CRISPLD1: variants seen among roughly 807,000 people sequenced by gnomAD.
CRISPLD1 encodes the protein cysteine rich secretory protein LCCL domain containing 1.
In CRISPLD1, 60 loss-of-function variants were observed where a neutral mutation model predicts 77.5. The ratio of observed to expected loss-of-function variants is 0.77; its 90% confidence interval spans 0.63 to 0.96. The LOEUF (loss-of-function observed/expected upper bound fraction) is 0.96, where lower values mean the gene tolerates loss of function less well. Among genes scored for constraint, CRISPLD1 ranks in the 40% least tolerant of loss-of-function variants. The pLI is 0.00. For missense variants in CRISPLD1, 623 were observed against 615.8 expected (o/e 1.01, Z -0.12); for synonymous variants, 195 against 200.1 (o/e 0.97, Z 0.22).
intron 2 of CRISPLD1, among the ~76,000 whole-genome samples, chr8:74,993,343 C>T (rs1812601966): frequency 6.6e-6 from 1 of 152,126 alleles, no homozygotes; most frequent in African/African-American, 2.4e-5. Context: ...CATATAGTAT[C>T]TGCACATACC....
intron 2 of CRISPLD1, among the ~76,000 whole-genome samples, chr8:75,009,238 T>C (rs1812887330): frequency 6.6e-6 from 1 of 151,826 alleles, no homozygotes; most frequent in Admixed American, 6.6e-5. Flanking sequence ...ATCTCTGGAG[T>C]TCTCTCCATA....
intron 14 of CRISPLD1, among the ~76,000 whole-genome samples, chr8:75,030,850 ATG>A (rs1813329466): frequency 6.7e-6 from 1 of 149,368 alleles, no homozygotes; most frequent in Admixed American, 6.7e-5. Flanking sequence ...ATATATGTGA[ATG>A]TATATATACA....
intron 2 of CRISPLD1, chr8:75,000,486 AT>A: frequency 1.1e-6 from 1 of 937,450 alleles, no homozygotes; most frequent in Non-Finnish European, 1.3e-6. Context: ...ATGCCTTGAG[AT>A]TTTTGATGCT....
intron 2 of CRISPLD1, among the ~76,000 whole-genome samples, chr8:74,989,541 GT>G (rs3033047): frequency 0.2 from 29,848 of 147,400 alleles, 3,192 homozygotes; most frequent in African/African-American, 0.29. Flanking sequence ...CCATTTTTAT[GT>G]TTTTTTTTTT....
At chr8:75,013,106 T>C in intron 4 of CRISPLD1, 84 bp downstream of exon 4, 1 of 1,186,268 alleles carries the variant, frequency 8.4e-7, no homozygotes, top group African/African-American at 1.6e-5. Context: ...AACTTGTCTT[T>C]CTTATTTAAT....
chr8:74,998,184 A>C (rs1408544041), intron 2 of CRISPLD1, among the ~76,000 whole-genome samples: 3 of 152,164 alleles, frequency 2.0e-5, no homozygotes, highest in Admixed American at 6.5e-5. Context: ...ACAGAAGGGA[A>C]TTATGTGAAA....
intron 12 of CRISPLD1, among the ~76,000 whole-genome samples, chr8:75,023,534 G>A (rs1351586370): frequency 1.3e-5 from 2 of 152,142 alleles, no homozygotes; most frequent in African/African-American, 2.4e-5. Flanking sequence ...AGAATATACA[G>A]TGTTATACAA....
intron 2 of CRISPLD1, among the ~76,000 whole-genome samples, chr8:74,998,897 C>T (rs1812688883): frequency 6.6e-6 from 1 of 151,600 alleles, no homozygotes; most frequent in African/African-American, 2.4e-5. Flanking sequence ...CATCTGGAGA[C>T]TAGAACGAGA....
rs115061549 is a variant in CRISPLD1 at position 75,007,632 on chromosome 8, C to T, written c.259-4801C>T. ...TCACCCAGGCTGGAGTGCAGTGGCG[C>T]GATCTTGGGATTACAGACGTGAACC... On this transcript the variant is annotated intron_variant, in intron 2 of 14. Transcript: ENST00000262207. Among the ~76,000 whole-genome samples the T allele has an allele frequency of 9.5e-3, 1,345 of 141,744 alleles. 20 individuals are homozygous for T. Among genetic ancestry groups the T allele is most frequent in the African/African-American group, 0.034 (1,262 of 37,480 alleles). The allele number at this position is 141,744 out of a possible 152,430, so 93.0% of individuals were successfully genotyped here.
At chr8:74,996,325 TTA>T in intron 2 of CRISPLD1, among the ~76,000 whole-genome samples, 1 of 152,302 alleles carries the variant, frequency 6.6e-6, no homozygotes. Flanking sequence ...ATTGATAAAT[TTA>T]TGTTTAAAAA....
chr8:75,023,676 T>C (rs1484166599), intron 12 of CRISPLD1, among the ~76,000 whole-genome samples: 1 of 152,144 alleles, frequency 6.6e-6, no homozygotes, highest in Non-Finnish European at 1.5e-5. Flanking sequence ...TTTAGGAAAA[T>C]TGTTGATGCT....
intron 2 of CRISPLD1, among the ~76,000 whole-genome samples, chr8:75,006,088 T>C (rs1812825928): frequency 6.6e-6 from 1 of 152,146 alleles, no homozygotes; most frequent in African/African-American, 2.4e-5. Context: ...TCCTCCCTTT[T>C]GGAGTCCCCA....
In CRISPLD1 at chr8:75,014,078, A is replaced by T; in HGVS notation, c.602A>T (p.Tyr201Phe). ...GGGCAGATATGGCCCAAAGCTGTCT[A>T]CCTGGTGTGCAATTACTCCCCAAAG... ...IWGQIWPKAV[Y>F]LVCNYSPKGN... Residue 201 changes from tyrosine to phenylalanine, a missense_variant, in exon 5 of 15, where the codon TAC (tyrosine) becomes TTC (phenylalanine). Transcript: ENST00000262207. 10 of 1,612,212 alleles carry T rather than the reference A, an allele frequency of 6.2e-6. No homozygotes were observed. Among genetic ancestry groups the T allele is most frequent in the Non-Finnish European group, 8.5e-6 (10 of 1,178,538 alleles).
intron 2 of CRISPLD1, among the ~76,000 whole-genome samples, chr8:74,992,905 GTTTTTTT>G (rs771210880): frequency 8.7e-6 from 1 of 115,240 alleles, no homozygotes; most frequent in East Asian, 2.5e-4. Context: ...AGAAATTATG[GTTTTTTT>G]TTTTTTTTTT....
intron 12 of CRISPLD1, among the ~76,000 whole-genome samples, chr8:75,022,879 A>G (rs567718172): frequency 4.3e-4 from 66 of 152,164 alleles, no homozygotes; most frequent in African/African-American, 1.6e-3. Flanking sequence ...CTATCTAACT[A>G]TTATTTAGTA....
chr8:75,005,094 G>A (rs1812805949), intron 2 of CRISPLD1, among the ~76,000 whole-genome samples: 1 of 151,974 alleles, frequency 6.6e-6, no homozygotes, highest in South Asian at 2.1e-4. Context: ...ATCACAAAAC[G>A]GCTTCTCAAA....
In CRISPLD1 at chr8:75,012,966, T is replaced by A; in HGVS notation, c.454T>A (p.Cys152Ser). 1 of 1,613,052 alleles carries A rather than the reference T, an allele frequency of 6.2e-7. No individual in the cohort carries two copies. Among genetic ancestry groups the A allele is most frequent in the Non-Finnish European group, 8.5e-7 (1 of 1,179,380 alleles). ...KDFSYPYEHE[C>S]NPYCPFRCSG... ...CTTTAGCTACCCATATGAACATGAA[T>A]GCAACCCATATTGTCCATTCAGGTG... Residue 152 changes from cysteine (C) to serine (S), a missense_variant, in exon 4 of 15, where the codon TGC becomes AGC. Cys to Ser is a moderately radical substitution (Grantham distance 112, BLOSUM62 -1). Transcript: ENST00000262207.
At chr8:75,020,682 T>C (rs576351529) in intron 12 of CRISPLD1, among the ~76,000 whole-genome samples, 1 of 152,326 alleles carries the variant, frequency 6.6e-6, no homozygotes, top group African/African-American at 2.4e-5. Flanking sequence ...ATATGAACTT[T>C]GAAGGGACAA....
chr8:75,009,165 G>A (rs1812885959), intron 2 of CRISPLD1, among the ~76,000 whole-genome samples: 1 of 152,034 alleles, frequency 6.6e-6, no homozygotes, highest in Non-Finnish European at 1.5e-5. Flanking sequence ...GCCCTGACTT[G>A]AGTTGCTGTC....
Sources: gnomAD v4.1 joint callset for allele counts (sites outside exome capture counted in the v4.1 genomes callset) on GRCh38, gnomAD v4.1.1 for gene constraint, MANE v1.5 for transcripts, NCBI Gene and HGNC (gene_info 2026-07-23, HGNC 2026-07-21) for gene names.